PDZD2: variants seen among roughly 807,000 people sequenced by gnomAD.
PDZD2 encodes PDZ domain containing 2, also known as PDZ domain-containing protein 2.
PDZD2 carries 90 observed loss-of-function variants against 220.7 expected under a neutral mutation model. The ratio of observed to expected loss-of-function variants is 0.41; its 90% confidence interval spans 0.34 to 0.49. The LOEUF is 0.49. PDZD2 is among the 20% of genes least tolerant of loss of function. The probability of loss-of-function intolerance (pLI) is 0.28; values close to 1 mark genes in which losing one functional copy is unlikely to be tolerated. For synonymous variants in PDZD2, 1,375 were observed against 1,450.5 expected (o/e 0.95, Z 1.18); for missense variants, 3,174 against 3,608.5 (o/e 0.88, Z 3.08).
intron 2 of PDZD2, among the ~76,000 whole-genome samples, chr5:31,945,030 G>C (rs1444930907): frequency 6.6e-6 from 1 of 152,228 alleles, no homozygotes; most frequent in African/African-American, 2.4e-5. Context: ...TATTAAGTGT[G>C]TCATTGGATG....
intron 1 of PDZD2, among the ~76,000 whole-genome samples, chr5:31,752,331 C>T (rs1048506870): frequency 6.6e-6 from 1 of 151,928 alleles, no homozygotes; most frequent in Non-Finnish European, 1.5e-5. Context: ...GGCGAATCAC[C>T]TGAGGTCAAG....
At chr5:31,675,240 G>T (rs1342535541) in intron 1 of PDZD2, among the ~76,000 whole-genome samples, 3 of 152,192 alleles carry the variant, frequency 2.0e-5, no homozygotes, top group African/African-American at 7.2e-5. Context: ...TTGCGTCAGT[G>T]TTGGAGGTAG....
intron 1 of PDZD2, among the ~76,000 whole-genome samples, chr5:31,694,896 G>A (rs1478680257): frequency 6.6e-6 from 1 of 151,934 alleles, no homozygotes. Flanking sequence ...GGCCAAGGTG[G>A]GCGGATCAAC....
intron 2 of PDZD2, among the ~76,000 whole-genome samples, chr5:31,922,214 A>G (rs1377401305): frequency 1.3e-5 from 2 of 152,230 alleles, no homozygotes; most frequent in Non-Finnish European, 2.9e-5. Flanking sequence ...TTGTGAGTCA[A>G]GTTCCTACTA....
chr5:31,750,286 C>T (rs1318945651), intron 1 of PDZD2, among the ~76,000 whole-genome samples: 2 of 152,196 alleles, frequency 1.3e-5, no homozygotes, highest in African/African-American at 2.4e-5. Flanking sequence ...TTGTGTCCCC[C>T]AGCTCCCTCT....
At chr5:31,881,197 T>C (rs1157802825) in intron 2 of PDZD2, among the ~76,000 whole-genome samples, 1 of 152,066 alleles carries the variant, frequency 6.6e-6, no homozygotes, top group African/African-American at 2.4e-5. Flanking sequence ...CTCTGTGGTC[T>C]AGGAGTTCTA....
At chr5:31,849,877 T>C (rs1328075679) in intron 2 of PDZD2, among the ~76,000 whole-genome samples, 2 of 45,604 alleles carry the variant, frequency 4.4e-5, no homozygotes, top group Non-Finnish European at 7.0e-5. Flanking sequence ...TATACATATA[T>C]ATATATATAT....
chr5:31,695,136 A>C (rs1200911676), intron 1 of PDZD2, among the ~76,000 whole-genome samples: 1 of 152,122 alleles, frequency 6.6e-6, no homozygotes, highest in African/African-American at 2.4e-5. Context: ...AATTAAAAAA[A>C]AAAAAGAAAG....
chr5:32,036,684 G>A (rs776081059), intron 6 of PDZD2, among the ~76,000 whole-genome samples: 2 of 152,294 alleles, frequency 1.3e-5, no homozygotes, highest in South Asian at 2.1e-4. Context: ...TACTCACTCC[G>A]GAGCATAGCA....
Position 32,074,241 on chromosome 5 carries a change from C to T in PDZD2, c.3135C>T (p.Ile1045=). The change falls in exon 18 of 25, where the codon ATC becomes ATT. Residue 1045 remains isoleucine, a synonymous_variant. Transcript: ENST00000438447. ...GCTCAGTGGACTTAGAGGAGAGTATCCCAGAGGGCATGGTGGATGCTGCGT... is the reference window on the plus strand; with the variant it reads ...GCTCAGTGGACTTAGAGGAGAGTATTCCAGAGGGCATGGTGGATGCTGCGT... ...LGSSVDLEES[I]PEGMVDAASY... 3.1e-6 allele frequency: 5 copies of T among 1,614,208 alleles called. No individual in the cohort carries two copies. The highest frequency in any genetic ancestry group is 4.2e-6 in the Non-Finnish European group (5 of 1,180,042).
At chr5:31,806,938 T>G (rs1050575389) in intron 2 of PDZD2, among the ~76,000 whole-genome samples, 75 of 151,212 alleles carry the variant, frequency 5.0e-4, no homozygotes, top group African/African-American at 1.7e-3. Context: ...TTTGTTTTTT[T>G]TTTTTTTTTT....
Position 32,110,011 on chromosome 5 carries a change from G to C in PDZD2, c.*1876G>C, listed in dbSNP as rs1015854327. 6.8e-6 allele frequency: 1 copy of C among 147,894 alleles called. No individual in the cohort carries two copies. Among genetic ancestry groups the C allele is most frequent in the Admixed American group, 6.9e-5 (1 of 14,536 alleles). 9.2% of individuals were successfully genotyped at this position (147,894 alleles called of 1,614,324 possible). ...TACAGTTACAGGTAGAATACTGTAG[G>C]AAGTCAGTGCAAGGTGCATGCTTGA... is the stretch of plus-strand genomic sequence containing the variant. On this transcript the variant is annotated 3_prime_UTR_variant, in exon 25 of 25. Coordinates refer to ENST00000438447, the MANE Select transcript of PDZD2 (RefSeq NM_178140.4).
intron 1 of PDZD2, among the ~76,000 whole-genome samples, chr5:31,794,635 G>A (rs1191467232): frequency 6.6e-6 from 1 of 151,998 alleles, no homozygotes; most frequent in Non-Finnish European, 1.5e-5. Context: ...TCAAACTCCT[G>A]ACCTCAGGTG....
chr5:31,920,790 A>G (rs1006654414), intron 2 of PDZD2, among the ~76,000 whole-genome samples: 4 of 152,076 alleles, frequency 2.6e-5, no homozygotes, highest in Non-Finnish European at 5.9e-5. Context: ...TTTCCCTCCA[A>G]CACTTGGCAC....
intron 1 of PDZD2, among the ~76,000 whole-genome samples, chr5:31,695,078 C>G (rs182878581): frequency 1.9e-3 from 289 of 151,866 alleles, no homozygotes; most frequent in Non-Finnish European, 3.1e-3. Flanking sequence ...GAGCCGAGAT[C>G]GCACCACTGC....
intron 2 of PDZD2, among the ~76,000 whole-genome samples, chr5:31,842,579 A>G (rs1456255064): frequency 6.6e-6 from 1 of 152,244 alleles, no homozygotes; most frequent in Non-Finnish European, 1.5e-5. Context: ...CCCCTGGACC[A>G]GAAGTCAAGA....
intron 1 of PDZD2, among the ~76,000 whole-genome samples, chr5:31,768,115 G>GTT (rs1261238139): frequency 6.6e-6 from 1 of 152,208 alleles, no homozygotes; most frequent in African/African-American, 2.4e-5. Context: ...GGGACCTGGA[G>GTT]TTAGGTCTCT....
chr5:31,653,909 C>T (rs1400043490), intron 1 of PDZD2, among the ~76,000 whole-genome samples: 2 of 152,064 alleles, frequency 1.3e-5, no homozygotes, highest in East Asian at 1.9e-4. Flanking sequence ...CTCAGCCTCC[C>T]GAGTAGCTGG....
At chr5:31,757,549 G>T (rs1036010946) in intron 1 of PDZD2, among the ~76,000 whole-genome samples, 5 of 151,480 alleles carry the variant, frequency 3.3e-5, no homozygotes, top group Non-Finnish European at 5.9e-5. Flanking sequence ...CCGAGATTGC[G>T]CCAGTGCACT....
Sources: allele counts gnomAD v4.1 joint callset (sites outside exome capture counted in the v4.1 genomes callset), GRCh38; gene constraint gnomAD v4.1.1; transcripts MANE v1.5; gene names NCBI Gene and HGNC (gene_info 2026-07-23, HGNC 2026-07-21).